The following PLAAT5 variants were observed in gnomAD, a reference collection of about 807,000 sequenced individuals.
PLAAT5 encodes phospholipase A and acyltransferase 5, also known as Ca(2+)-independent N-acyltransferase.
In PLAAT5, 27 loss-of-function variants were observed where a neutral mutation model predicts 27.8. That is an observed-to-expected ratio of 0.97 (90% CI 0.72 to 1.34). The LOEUF (loss-of-function observed/expected upper bound fraction) is 1.34. Among genes scored for constraint, PLAAT5 ranks in the 40% most tolerant of loss-of-function variants. The probability of loss-of-function intolerance (pLI) is 0.00; values close to 1 mark genes in which losing one functional copy is unlikely to be tolerated. For missense variants in PLAAT5, 368 were observed against 343.8 expected, an observed-to-expected ratio of 1.07 and a Z score of -0.56; for synonymous variants, 125 against 136.1, an observed-to-expected ratio of 0.92 and a Z score of 0.57.
intron 3 of PLAAT5, among the ~76,000 whole-genome samples, chr11:63,479,023 A>T (rs146226489): frequency 1.2e-4 from 18 of 152,226 alleles, no homozygotes; most frequent in Admixed American, 1.2e-3. Context: ...CTTCTCACCC[A>T]GAAAGCAGAA....
At chr11:63,490,577 G>C (rs1257935490) in intron 1 of PLAAT5, 1 of 652,104 alleles carries the variant, frequency 1.5e-6, no homozygotes, top group East Asian at 2.8e-5. Flanking sequence ...GGATGAAGAA[G>C]GGCGCCTCGC....
intron 2 of PLAAT5, among the ~76,000 whole-genome samples, chr11:63,489,613 T>C (rs901479146): frequency 2.0e-5 from 3 of 152,230 alleles, no homozygotes; most frequent in African/African-American, 7.2e-5. Flanking sequence ...CTGTCCCACC[T>C]TGAGCTAGTA....
At chr11:63,474,279 T>A (rs1372650935) in intron 3 of PLAAT5, among the ~76,000 whole-genome samples, 1 of 152,204 alleles carries the variant, frequency 6.6e-6, no homozygotes, top group Non-Finnish European at 1.5e-5. Flanking sequence ...AGATTGGTAA[T>A]TTTTCTTATT....
At chr11:63,477,348 C>T (rs184627742) in intron 3 of PLAAT5, among the ~76,000 whole-genome samples, 41 of 152,264 alleles carry the variant, frequency 2.7e-4, no homozygotes, top group African/African-American at 8.7e-4. Context: ...CCAGGGCGGA[C>T]GGTTGTTGCT....
chr11:63,483,782 AAAATATATATATATATATGTATATAT>A (rs2016344446), intron 3 of PLAAT5, among the ~76,000 whole-genome samples: 3 of 80,516 alleles, frequency 3.7e-5, no homozygotes, highest in African/African-American at 1.3e-4. Context: ...AAGCAAAAAA[AAAATATATATATATATATGTATATAT>A]ATATATATAT....
intron 3 of PLAAT5, among the ~76,000 whole-genome samples, chr11:63,483,825 A>ATATATG (rs2016363117): frequency 8.7e-6 from 1 of 114,612 alleles, no homozygotes; most frequent in Non-Finnish European, 1.9e-5. Flanking sequence ...ATATATATAT[A>ATATATG]TATATATATA....
At chr11:63,487,195 A>G (rs979060805) in intron 3 of PLAAT5, among the ~76,000 whole-genome samples, 1 of 152,248 alleles carries the variant, frequency 6.6e-6, no homozygotes, top group Non-Finnish European at 1.5e-5. Flanking sequence ...TAAAGTATAT[A>G]TCTGATGACG....
intron 3 of PLAAT5, among the ~76,000 whole-genome samples, chr11:63,472,536 C>T (rs568586544): frequency 5.2e-4 from 79 of 152,096 alleles, no homozygotes; most frequent in Non-Finnish European, 9.9e-4. Flanking sequence ...ATCTGTAGAT[C>T]GATTTGGTGA....
chr11:63,481,867 G>C (rs539827307), intron 3 of PLAAT5, among the ~76,000 whole-genome samples: 1 of 152,278 alleles, frequency 6.6e-6, no homozygotes, highest in East Asian at 1.9e-4. Context: ...GAGAACACAT[G>C]GACACAGGAA....
At chr11:63,486,993 C>T (rs931254554) in intron 3 of PLAAT5, among the ~76,000 whole-genome samples, 6 of 152,284 alleles carry the variant, frequency 3.9e-5, no homozygotes, top group South Asian at 2.1e-4. Flanking sequence ...ACTTCTTTGG[C>T]GGTCTCCTTC....
chr11:63,464,994 G>A (rs2015818634), intron 5 of PLAAT5, among the ~76,000 whole-genome samples: 1 of 152,098 alleles, frequency 6.6e-6, no homozygotes, highest in Non-Finnish European at 1.5e-5. Context: ...AAAGAAAGCT[G>A]AGGGCCAGGC....
At chr11:63,467,781 C>A (rs1385402241) in intron 4 of PLAAT5, among the ~76,000 whole-genome samples, 1 of 152,174 alleles carries the variant, frequency 6.6e-6, no homozygotes, top group Non-Finnish European at 1.5e-5. Flanking sequence ...CCTCCCCCAT[C>A]AAATCTCCAC....
rs1180087626 is a variant in PLAAT5 at position 63,466,287 on chromosome 11, A to G, written c.540T>C (p.His180=). ...TGTTATTGACCTTCCAGGAGCAGCC[A>G]TGCAGCACATCCTCCAGACGACTGT... ...VKYSRLEDVL[H]GCSWKVNNKL... The change falls in exon 5 of 6, where the codon CAT becomes CAC. Residue 180 remains histidine (H), a synonymous_variant. Transcript: ENST00000540857. 1 of 1,614,060 alleles carries G rather than the reference A, an allele frequency of 6.2e-7. No individual in the cohort carries two copies. Among genetic ancestry groups the G allele is most frequent in the Non-Finnish European group, 8.5e-7 (1 of 1,180,038 alleles).
chr11:63,490,598 A>T (rs117436678), intron 1 of PLAAT5: 6,617 of 622,810 alleles, frequency 0.011, 60 homozygotes, highest in Non-Finnish European at 0.015. Context: ...CTCTATCCTA[A>T]GCCCGATGGG....
chr11:63,467,470 G>A (rs544156348), intron 4 of PLAAT5, among the ~76,000 whole-genome samples: 2 of 152,170 alleles, frequency 1.3e-5, no homozygotes, highest in Non-Finnish European at 2.9e-5. Flanking sequence ...TGCATGGTGA[G>A]AGACTGGGCC....
chr11:63,473,136 AAT>A (rs890108416), intron 3 of PLAAT5, among the ~76,000 whole-genome samples: 1 of 152,048 alleles, frequency 6.6e-6, no homozygotes, highest in Non-Finnish European at 1.5e-5. Context: ...AAAAAGTTCT[AAT>A]AGTTTTGTAA....
chr11:63,463,663 C>T lies in PLAAT5; in HGVS notation c.718-68G>A. ...AGGCTTGCACCCTCCCCTACCTCCA[C>T]CCCACCATACCCATTCAGCAACCAG... On this transcript the variant is annotated intron_variant, in intron 5 of 5. Coordinates refer to ENST00000540857, the MANE Select transcript of PLAAT5 (RefSeq NM_001146729.2). 3.4e-6 allele frequency: 4 copies of T among 1,180,732 alleles called. No individual in the cohort carries two copies. In the South Asian group the frequency reaches 3.6e-5, roughly 11 times the overall value. The allele number at this position is 1,180,732 out of a possible 1,614,324, so 73.1% of individuals were successfully genotyped here.
chr11:63,466,789 C>G (rs1048685417), intron 4 of PLAAT5, among the ~76,000 whole-genome samples: 2 of 152,166 alleles, frequency 1.3e-5, no homozygotes, highest in Admixed American at 1.3e-4. Context: ...TATGGTGGTT[C>G]CATGTCACGC....
intron 4 of PLAAT5, among the ~76,000 whole-genome samples, chr11:63,466,805 T>G (rs1222789948): frequency 6.6e-6 from 1 of 152,160 alleles, no homozygotes; most frequent in Non-Finnish European, 1.5e-5. Flanking sequence ...CACGCCTCCC[T>G]CTGGGCTGCC....
Sources: gnomAD v4.1 joint callset for allele counts (sites outside exome capture counted in the v4.1 genomes callset) on GRCh38, gnomAD v4.1.1 for gene constraint, MANE v1.5 for transcripts, NCBI Gene and HGNC (gene_info 2026-07-23, HGNC 2026-07-21) for gene names.